The following RTN4 variants were observed in gnomAD, a reference collection of about 807,000 sequenced individuals.
RTN4 encodes reticulon-4.
In RTN4, 32 loss-of-function variants were observed where a neutral mutation model predicts 90.4. The ratio of observed to expected loss-of-function variants is 0.35; its 90% CI spans 0.27 to 0.48. The LOEUF (loss-of-function observed/expected upper bound fraction) is 0.48, where lower values mean the gene tolerates loss of function less well. Among genes scored for constraint, RTN4 ranks in the 20% least tolerant of loss-of-function variants. The probability of loss-of-function intolerance (pLI) is 0.99; values close to 1 mark genes in which losing one functional copy is unlikely to be tolerated. For synonymous variants in RTN4, 629 were observed against 552.5 expected, an observed-to-expected ratio of 1.14 and a Z score of -1.94; for missense variants, 1,706 against 1,430.2, an observed-to-expected ratio of 1.19 and a Z score of -3.11.
the RTN4 span, among the ~76,000 whole-genome samples, chr2:55,135,906 A>G: frequency 1.6e-4 from 24 of 152,218 alleles, no homozygotes; most frequent in Admixed American, 1.4e-3. Flanking sequence ...ATTCCTTCTT[A>G]TTGCTGAGTA....
Position 55,058,949 on chromosome 2 carries a change from C to T in RTN4, c.-63+21540G>A, listed in dbSNP as rs544069660. Reference sequence around the variant, plus strand: ...TCTTGAACTCTTGAGCTCAAGTGATCGTCGCCACCTCGGCCTCTCAGAGTG... The same window carrying T: ...TCTTGAACTCTTGAGCTCAAGTGATTGTCGCCACCTCGGCCTCTCAGAGTG... On this transcript the variant is annotated intron_variant, in intron 2 of 3. Coordinates refer to the RTN4 transcript ENST00000427710. Among the ~76,000 whole-genome samples, 4 of 151,926 alleles carry T rather than the reference C, an allele frequency of 2.6e-5. No individual in the cohort carries two copies. In the South Asian group the frequency reaches 8.3e-4, roughly 32 times the overall value.
the RTN4 span, among the ~76,000 whole-genome samples, chr2:55,134,812 G>A: frequency 4.6e-5 from 7 of 152,286 alleles, no homozygotes; most frequent in African/African-American, 7.2e-5. Context: ...TAAATGCGAG[G>A]AGTTACTTAC....
chr2:55,078,987 T>C (rs1356708837), intron 2 of RTN4, among the ~76,000 whole-genome samples: 2 of 152,184 alleles, frequency 1.3e-5, no homozygotes, highest in East Asian at 1.9e-4. Flanking sequence ...CGGGAGCCAG[T>C]AGACCTCTTA....
chr2:55,010,306 T>G, intron 3 of RTN4: 1 of 1,418,622 alleles, frequency 7.0e-7, no homozygotes, highest in East Asian at 2.5e-5. Flanking sequence ...TGTGGAACAG[T>G]CTGACGCAGT....
At chr2:55,017,943 A>T (rs1681162140) in intron 3 of RTN4, among the ~76,000 whole-genome samples, 1 of 152,194 alleles carries the variant, frequency 6.6e-6, no homozygotes, top group Non-Finnish European at 1.5e-5. Context: ...TTATTCCAAA[A>T]CCAGGAAATA....
chr2:55,121,013 A>G, the RTN4 span, among the ~76,000 whole-genome samples: 1 of 152,310 alleles, frequency 6.6e-6, no homozygotes, highest in South Asian at 2.1e-4. Context: ...ACAGAACCAA[A>G]TACCCCCAAT....
intron 2 of RTN4, among the ~76,000 whole-genome samples, chr2:55,070,545 CAAAAAAAAA>C (rs747838297): frequency 5.9e-5 from 4 of 67,324 alleles, no homozygotes; most frequent in African/African-American, 2.1e-4. Flanking sequence ...GACTCTGTCT[CAAAAAAAAA>C]AAAAAAAAAA....
the RTN4 span, among the ~76,000 whole-genome samples, chr2:55,121,660 C>CATT: frequency 6.6e-6 from 1 of 152,062 alleles, no homozygotes; most frequent in Non-Finnish European, 1.5e-5. Flanking sequence ...TGTCATCGAC[C>CATT]ATTATTCTTA....
At chr2:55,070,260 C>T (rs1668483037) in intron 2 of RTN4, among the ~76,000 whole-genome samples, 1 of 151,960 alleles carries the variant, frequency 6.6e-6, no homozygotes, top group African/African-American at 2.4e-5. Context: ...AAATCCTCCC[C>T]ACCCCCCCAA....
intron 3 of RTN4, among the ~76,000 whole-genome samples, chr2:54,996,541 T>C (rs1393286643): frequency 6.6e-6 from 1 of 152,320 alleles, no homozygotes; most frequent in Non-Finnish European, 1.5e-5. Context: ...ATTACATTTA[T>C]GGTCAACTGA....
rs893613909 is a variant in RTN4, at chr2:55,038,428, G to GA, written c.557-10209dup. Among the ~76,000 whole-genome samples the GA allele has an allele frequency of 1.1e-4, 17 of 149,816 alleles. 1 individual carries two copies. Among genetic ancestry groups the GA allele is most frequent in the South Asian group, 4.2e-4 (2 of 4,738 alleles). ...AGAGAGAACTCTTACAAATATGTAG[G>GA]AAAAAAAAAGGCATACAACACAATT... On this transcript the variant is annotated intron_variant, in intron 1 of 8. Coordinates refer to ENST00000337526, the MANE Select transcript of RTN4 (RefSeq NM_020532.5).
chr2:54,982,647 A>G lies in RTN4; in HGVS notation c.3228T>C (p.Tyr1076=). ...CAGATATAGCAACTTCAGATTCCAG[A>G]TATGCCCTAGAAAACAAAACACATC... ...KSDEGHPFRA[Y]LESEVAISEE... is the part of the protein sequence containing the mutation. Residue 1076 remains tyrosine, a synonymous_variant, in exon 5 of 9, where the codon TAT becomes TAC. Transcript: ENST00000337526. 6.2e-7 allele frequency: 1 copy of G among 1,605,988 alleles called. No homozygotes were observed. The highest frequency in any genetic ancestry group is 8.5e-7 in the Non-Finnish European group (1 of 1,177,218).
chr2:55,110,310 C>CA lies in RTN4; in HGVS notation c.-214+2209dup, dbSNP rs11289091. On this transcript the variant is annotated intron_variant, in intron 1 of 3. Transcript: ENST00000427710. ...TAGGTGACAGAGGGAGACCCTGTCT[C>CA]AAAAAAAAAAAAAAAAAAAAATTCT... Among the ~76,000 whole-genome samples, 721 of 96,148 alleles carry CA rather than the reference C, an allele frequency of 7.5e-3. 6 individuals carry two copies. Among genetic ancestry groups the CA allele is most frequent in the African/African-American group, 0.017 (438 of 25,520 alleles). 63.1% of individuals were successfully genotyped at this position (96,148 alleles called of 152,430 possible). A position where few individuals can be genotyped will look rare whatever the true frequency, so the allele number is the denominator to read the frequency against.
chr2:55,137,803 C>G, the RTN4 span, among the ~76,000 whole-genome samples: 254 of 152,296 alleles, frequency 1.7e-3, 1 homozygote, highest in African/African-American at 5.8e-3. Context: ...GCAAGCGGAA[C>G]CTGCCGCAGG....
At chr2:55,008,543 A>G (rs937867516) in intron 3 of RTN4, among the ~76,000 whole-genome samples, 1 of 152,140 alleles carries the variant, frequency 6.6e-6, no homozygotes, top group Non-Finnish European at 1.5e-5. Context: ...GGTACTAAAA[A>G]ATATTAGGCC....
At chr2:54,988,093 G>T (rs1391722702) in intron 3 of RTN4, among the ~76,000 whole-genome samples, 2 of 152,162 alleles carry the variant, frequency 1.3e-5, no homozygotes, top group African/African-American at 4.8e-5. Context: ...GAGGCAGGTG[G>T]ATCACCTGAG....
At chr2:55,021,657 T>C (rs928344554) in intron 3 of RTN4, among the ~76,000 whole-genome samples, 5 of 152,174 alleles carry the variant, frequency 3.3e-5, no homozygotes, top group Non-Finnish European at 5.9e-5. Context: ...GCCTGTTATA[T>C]AATCAAGTCA....
chr2:55,124,877 C>A, the RTN4 span, among the ~76,000 whole-genome samples: 1 of 152,086 alleles, frequency 6.6e-6, no homozygotes, highest in African/African-American at 2.4e-5. Context: ...CATAGACCAA[C>A]GGAACAGAAT....
intron 1 of RTN4, among the ~76,000 whole-genome samples, chr2:55,107,988 T>C (rs1667974054): frequency 6.6e-6 from 1 of 152,008 alleles, no homozygotes; most frequent in African/African-American, 2.4e-5. Context: ...AGTCTTGCTC[T>C]GTATATAGCC....
Sources: allele counts gnomAD v4.1 joint callset (sites outside exome capture counted in the v4.1 genomes callset), GRCh38; gene constraint gnomAD v4.1.1; transcripts MANE v1.5; gene names NCBI Gene and HGNC (gene_info 2026-07-23, HGNC 2026-07-21).